The following FAT3 variants were observed in gnomAD, a reference collection of about 807,000 sequenced individuals.
FAT3 encodes protocadherin Fat 3.
A neutral mutation model predicts 310.2 loss-of-function variants in FAT3; 95 were observed. The observed-to-expected ratio is 0.31, with a 90% CI of 0.26 to 0.36. FAT3 has a LOEUF of 0.36. Ranked by LOEUF, FAT3 falls within the 10% of genes least tolerant of loss-of-function variation. The pLI is 1.00. For synonymous variants in FAT3, 2,314 were observed against 2,192.9 expected, an observed-to-expected ratio of 1.06 and a Z score of -1.54; for missense variants, 5,408 against 5,715.6, an observed-to-expected ratio of 0.95 and a Z score of 1.74.
At chr11:92,669,144 C>T (rs982920759) in intron 3 of FAT3, among the ~76,000 whole-genome samples, 4 of 152,206 alleles carry the variant, frequency 2.6e-5, no homozygotes, top group Admixed American at 6.5e-5. Flanking sequence ...TGGTTTCACC[C>T]TGTTCCATGC....
chr11:92,528,619 C>T (rs563105425), intron 3 of FAT3, among the ~76,000 whole-genome samples: 125 of 152,198 alleles, frequency 8.2e-4, no homozygotes, highest in African/African-American at 2.8e-3. Context: ...ATTTCCTGAC[C>T]TCATGATCCG....
At chr11:92,525,293 A>C (rs1265187561) in intron 3 of FAT3, among the ~76,000 whole-genome samples, 1 of 152,140 alleles carries the variant, frequency 6.6e-6, no homozygotes, top group African/African-American at 2.4e-5. Context: ...TCTATGAGCA[A>C]GCTGGCTTTG....
intron 21 of FAT3, among the ~76,000 whole-genome samples, chr11:92,865,544 C>G (rs1044029285): frequency 1.3e-5 from 2 of 152,232 alleles, no homozygotes; most frequent in Non-Finnish European, 2.9e-5. Flanking sequence ...ACAAGGTCCT[C>G]TTGCTGGGTC....
intron 2 of FAT3, among the ~76,000 whole-genome samples, chr11:92,517,811 G>T (rs1445175272): frequency 6.6e-6 from 1 of 152,130 alleles, no homozygotes; most frequent in Non-Finnish European, 1.5e-5. Flanking sequence ...GTGGGTGAAG[G>T]ATATGAACAG....
chr11:92,796,136 C>T (rs1381146520), intron 9 of FAT3, among the ~76,000 whole-genome samples: 2 of 151,958 alleles, frequency 1.3e-5, no homozygotes, highest in African/African-American at 4.8e-5. Flanking sequence ...GTGACCATTG[C>T]TTAGGTGAAG....
At chr11:92,475,972 A>G (rs1021532977) in intron 2 of FAT3, among the ~76,000 whole-genome samples, 1 of 152,134 alleles carries the variant, frequency 6.6e-6, no homozygotes, top group African/African-American at 2.4e-5. Flanking sequence ...AAGAAGGTTT[A>G]GTGATTTATG....
intron 2 of FAT3, among the ~76,000 whole-genome samples, chr11:92,440,154 C>T (rs1951034351): frequency 6.6e-6 from 1 of 152,062 alleles, no homozygotes; most frequent in Non-Finnish European, 1.5e-5. Flanking sequence ...TGGAGATCTA[C>T]AGGATGGTGT....
intron 1 of FAT3, chr11:92,335,949 G>C (rs879446302): frequency 8.5e-6 from 3 of 351,960 alleles, no homozygotes. Flanking sequence ...TTTTTTTTCA[G>C]ACTTTCAGCC....
intron 3 of FAT3, among the ~76,000 whole-genome samples, chr11:92,695,314 A>C (rs1943905845): frequency 6.6e-6 from 1 of 152,158 alleles, no homozygotes; most frequent in African/African-American, 2.4e-5. Context: ...GGGATGGAGC[A>C]GGGAGACAAA....
rs573041263 is a variant in FAT3, at chr11:92,566,060, A to G, written c.3607+41112A>G. Among the ~76,000 whole-genome samples the G allele has an allele frequency of 7.9e-4, 120 of 152,308 alleles. 1 individual carries two copies. Among genetic ancestry groups the G allele is most frequent in the African/African-American group, 2.8e-3 (116 of 41,556 alleles). On this transcript the variant is annotated intron_variant, in intron 3 of 27. Coordinates refer to ENST00000525166, the MANE Select transcript of FAT3 (RefSeq NM_001367949.2). ...AGGGCAATAGGCAGGAGAAGGAAATAAAGGGTATTCAATTAGGAAAAGAGG... is the reference window on the plus strand; with the variant it reads ...AGGGCAATAGGCAGGAGAAGGAAATGAAGGGTATTCAATTAGGAAAAGAGG...
chr11:92,778,524 A>G (rs1445395821), intron 7 of FAT3, among the ~76,000 whole-genome samples: 1 of 152,210 alleles, frequency 6.6e-6, no homozygotes, highest in East Asian at 1.9e-4. Context: ...TAATTGTACA[A>G]ACAACTTAAA....
intron 2 of FAT3, among the ~76,000 whole-genome samples, chr11:92,358,473 A>G (rs1225923184): frequency 6.6e-6 from 1 of 151,858 alleles, no homozygotes; most frequent in Non-Finnish European, 1.5e-5. Context: ...TTCCTCCTTT[A>G]TTATTTCATT....
At chr11:92,303,419 T>C (rs1947047125) in intron 1 of FAT3, among the ~76,000 whole-genome samples, 2 of 152,238 alleles carry the variant, frequency 1.3e-5, no homozygotes, top group South Asian at 4.1e-4. Flanking sequence ...GAATGTCTTA[T>C]AATTTTAGAA....
chr11:92,415,849 C>CTTTTTTTT (rs1196695394), intron 2 of FAT3, among the ~76,000 whole-genome samples: 68 of 70,328 alleles, frequency 9.7e-4, no homozygotes, highest in East Asian at 1.3e-3. Context: ...AGCATTTTTG[C>CTTTTTTTT]TTTTTTTTTT....
At chr11:92,546,952 A>G (rs188036362) in intron 3 of FAT3, among the ~76,000 whole-genome samples, 1 of 152,320 alleles carries the variant, frequency 6.6e-6, no homozygotes, top group Non-Finnish European at 1.5e-5. Flanking sequence ...AACGAATTCA[A>G]TTAGATTAAT....
At chr11:92,602,165 C>T (rs796911312) in intron 3 of FAT3, among the ~76,000 whole-genome samples, 3 of 152,206 alleles carry the variant, frequency 2.0e-5, no homozygotes, top group African/African-American at 7.2e-5. Context: ...CCTCCGCCTC[C>T]AGGGTTCAAG....
At chr11:92,520,507 A>C (rs2135346260) in intron 2 of FAT3, among the ~76,000 whole-genome samples, 1 of 152,228 alleles carries the variant, frequency 6.6e-6, no homozygotes, top group Admixed American at 6.5e-5. Flanking sequence ...TAAAAAAAGT[A>C]ATAAAGAATG....
At chr11:92,668,971 T>G (rs1943044900) in intron 3 of FAT3, among the ~76,000 whole-genome samples, 1 of 152,176 alleles carries the variant, frequency 6.6e-6, no homozygotes, top group South Asian at 2.1e-4. Context: ...CTCAGGGCAC[T>G]TAGACAATAG....
intron 2 of FAT3, among the ~76,000 whole-genome samples, chr11:92,473,423 C>G (rs567769291): frequency 6.6e-6 from 1 of 152,254 alleles, no homozygotes; most frequent in Admixed American, 6.5e-5. Context: ...AGCATTTCAT[C>G]TTTTTTCTTT....
Sources: allele counts gnomAD v4.1 joint callset (sites outside exome capture counted in the v4.1 genomes callset), GRCh38; gene constraint gnomAD v4.1.1; transcripts MANE v1.5; gene names NCBI Gene and HGNC (gene_info 2026-07-23, HGNC 2026-07-21).